The following REPS1 variants were observed in gnomAD, a reference collection of about 807,000 sequenced individuals.
REPS1 encodes the protein RALBP1 associated Eps domain containing 1.
REPS1 carries 39 observed loss-of-function variants against 100.9 expected under a neutral mutation model. That is an observed-to-expected ratio of 0.39 (90% CI 0.30 to 0.50). REPS1 has a LOEUF of 0.50. REPS1 is among the 20% of genes least tolerant of loss of function. The pLI, the probability that REPS1 is intolerant of heterozygous loss-of-function variation, is 0.86. For synonymous variants in REPS1, 324 were observed against 340.3 expected (o/e 0.95, Z 0.53); for missense variants, 821 against 968.5 (o/e 0.85, Z 2.02).
chr6:138,935,075 A>G (rs941919777), intron 8 of REPS1, among the ~76,000 whole-genome samples: 1 of 152,218 alleles, frequency 6.6e-6, no homozygotes, highest in Non-Finnish European at 1.5e-5. Context: ...TTCTATTTCC[A>G]AAATGAACTC....
At chr6:138,963,517 A>T (rs1042773585) in intron 1 of REPS1, among the ~76,000 whole-genome samples, 2 of 152,212 alleles carry the variant, frequency 1.3e-5, no homozygotes, top group Non-Finnish European at 2.9e-5. Context: ...CCTTCATTTG[A>T]ATCAACCCCT....
At chr6:138,925,236 G>A (rs1989523) in intron 10 of REPS1, among the ~76,000 whole-genome samples, 13,378 of 151,624 alleles carry the variant, frequency 0.088, 1,229 homozygotes, top group African/African-American at 0.23. Flanking sequence ...GCATGGTGGC[G>A]GACACCTGTA....
intron 1 of REPS1, among the ~76,000 whole-genome samples, chr6:138,982,332 G>GCT (rs201984457): frequency 0.017 from 2,558 of 152,260 alleles, 33 homozygotes; most frequent in South Asian, 0.031. Context: ...ACAAGATATT[G>GCT]CTCTACACAA....
chr6:138,961,028 ACTGT>A (rs1393428994), intron 1 of REPS1, among the ~76,000 whole-genome samples: 2 of 152,180 alleles, frequency 1.3e-5, no homozygotes, highest in Non-Finnish European at 2.9e-5. Flanking sequence ...TTTTCAAGAA[ACTGT>A]CTGCCCAATA....
chr6:138,907,591 C>T lies in REPS1; in HGVS notation c.2226G>A (p.Gly742=), dbSNP rs903680737. ...ASQPSIPRSV[G]KDKKAIQASI... ...ATGCCTGAATAGCTTTCTTATCTTT[C>T]CCAACAGATCTGAGAAGATAAAGAA... Residue 742 remains glycine (G), a synonymous_variant, in exon 19 of 20, where the codon GGG becomes GGA. Transcript: ENST00000450536. 3.1e-6 allele frequency: 5 copies of T among 1,609,350 alleles called. No individual in the cohort carries two copies. The African/African-American group carries it at 6.7e-5, about 21-fold the overall frequency.
chr6:138,916,431 G>A (rs1446740487), intron 13 of REPS1, among the ~76,000 whole-genome samples: 1 of 151,806 alleles, frequency 6.6e-6, no homozygotes, highest in South Asian at 2.1e-4. Context: ...ATGTTGGCCA[G>A]GCTGGTCTCG....
chr6:138,972,683 T>TA (rs11330627), intron 1 of REPS1, among the ~76,000 whole-genome samples: 11,540 of 132,998 alleles, frequency 0.087, 928 homozygotes, highest in African/African-American at 0.22. Context: ...ACAATACCAC[T>TA]AAAAAAAAAA....
At chr6:138,906,485 G>A (rs1779659671) in intron 19 of REPS1, among the ~76,000 whole-genome samples, 1 of 152,088 alleles carries the variant, frequency 6.6e-6, no homozygotes, top group African/African-American at 2.4e-5. Flanking sequence ...GTCTCGATTT[G>A]GATGGTATAT....
intron 1 of REPS1, among the ~76,000 whole-genome samples, chr6:138,952,600 A>G (rs2128484575): frequency 6.6e-6 from 1 of 151,938 alleles, no homozygotes; most frequent in East Asian, 2.0e-4. Flanking sequence ...GAGTTTCACC[A>G]TGTTGGCCAG....
At chr6:138,947,593 T>C (rs899928173) in intron 2 of REPS1, among the ~76,000 whole-genome samples, 197 bp downstream of exon 2, 3 of 152,186 alleles carry the variant, frequency 2.0e-5, no homozygotes, top group African/African-American at 7.2e-5. Context: ...ACATATACTA[T>C]GCCGTAATAC....
At chr6:138,943,756 T>C (rs1361284924) in intron 6 of REPS1, 97 bp downstream of exon 6, 4 of 1,156,904 alleles carry the variant, frequency 3.5e-6, no homozygotes, top group African/African-American at 3.1e-5. Context: ...AATTATTTTA[T>C]AATTAAAATC....
Position 138,988,221 on chromosome 6 carries a change from G to A in REPS1, c.-539C>T, listed in dbSNP as rs1582882929. The A allele has an allele frequency of 2.5e-6, 1 of 398,492 alleles. No individual in the cohort carries two copies. The highest frequency in any genetic ancestry group is 3.6e-5 in the East Asian group (1 of 28,054). 24.7% of individuals were successfully genotyped at this position (398,492 alleles called of 1,614,324 possible). On this transcript the variant is annotated 5_prime_UTR_variant, in exon 1 of 20. Transcript: ENST00000450536. ...CTCCGCCGCCATTTACAGTGCCCCG[G>A]CCCGGCCCCGACGCGCCCGCACCAA...
intron 10 of REPS1, among the ~76,000 whole-genome samples, chr6:138,925,727 G>T (rs1243132902): frequency 6.6e-6 from 1 of 151,396 alleles, no homozygotes; most frequent in Non-Finnish European, 1.5e-5. Context: ...GGAGAAGAAC[G>T]ATTAACAGCT....
rs570324544 is a variant in REPS1, at chr6:138,979,202, A to C, written c.153+8328T>G. Among the ~76,000 whole-genome samples, 47 of 150,624 alleles carry C rather than the reference A, an allele frequency of 3.1e-4. No homozygotes were observed. In the East Asian group the frequency reaches 8.8e-3, roughly 28 times the overall value. ...TCACAAAAAAAAAAAAAAAAACAAA[A>C]AAAAAAAACTGAAGAAGTATCCCCT... On this transcript the variant is annotated intron_variant, in intron 1 of 19. Coordinates refer to ENST00000450536, the MANE Select transcript of REPS1 (RefSeq NM_001286611.2).
At position 138,917,633 on chromosome 6, in the gene REPS1, A is replaced by G; in HGVS notation, c.1529-6T>C. The G allele has an allele frequency of 6.2e-7, 1 of 1,608,340 alleles. No individual in the cohort carries two copies. Among genetic ancestry groups the G allele is most frequent in the Non-Finnish European group, 8.5e-7 (1 of 1,175,264 alleles). ...TGAACTACTGTAACCATCTGCTGAT[A>G]AATGGGATATGTCCTATTTAATAAT... On this transcript the variant is annotated splice_polypyrimidine_tract_variant and splice_region_variant and intron_variant, in intron 12 of 19. Coordinates refer to ENST00000450536, the MANE Select transcript of REPS1 (RefSeq NM_001286611.2).
intron 1 of REPS1, among the ~76,000 whole-genome samples, chr6:138,983,046 T>C (rs1037343822): frequency 6.6e-6 from 1 of 152,196 alleles, no homozygotes; most frequent in Non-Finnish European, 1.5e-5. Flanking sequence ...TCAGACCAAC[T>C]GAATTTTATT....
At chr6:138,912,686 C>T in intron 16 of REPS1, 79 bp downstream of exon 16, 2 of 1,360,622 alleles carry the variant, frequency 1.5e-6, no homozygotes, top group South Asian at 1.2e-5. Flanking sequence ...GATGTCCCCT[C>T]TAATATCTGC....
rs918843954 is a variant in REPS1, at chr6:138,988,250, T to C, written c.-568A>G. 2 of 397,768 alleles carry C rather than the reference T, an allele frequency of 5.0e-6. No homozygotes were observed. Among genetic ancestry groups the C allele is most frequent in the Admixed American group, 4.4e-5 (1 of 22,676 alleles). The allele number at this position is 397,768 out of a possible 1,614,324, so 24.6% of individuals were successfully genotyped here. Reference sequence around the variant, plus strand: ...GGCCCCGACGCGCCCGCACCAACAGTGACAGCGGCGGCCGCGCTCCAGACC... The same window carrying C: ...GGCCCCGACGCGCCCGCACCAACAGCGACAGCGGCGGCCGCGCTCCAGACC... On this transcript the variant is annotated 5_prime_UTR_variant, in exon 1 of 20. Coordinates refer to ENST00000450536, the MANE Select transcript of REPS1 (RefSeq NM_001286611.2).
chr6:138,947,799 T>A lies in REPS1; in HGVS notation c.268A>T (p.Ile90Leu). ...QSGFPLRVES[I>L]NTVKDLPLPR... ...TGTACTCTATATTTACCTGTATTTA[T>A]ACTTTCCACTCTTAAAGGGAAACCA... Residue 90 changes from isoleucine (I) to leucine (L), a missense_variant, in exon 2 of 20, where the codon ATA (isoleucine) becomes TTA (leucine). Transcript: ENST00000450536. 6.2e-7 allele frequency: 1 copy of A among 1,605,180 alleles called. No individual in the cohort carries two copies. The highest frequency in any genetic ancestry group is 8.5e-7 in the Non-Finnish European group (1 of 1,176,884).
Sources: gnomAD v4.1 joint callset for allele counts (sites outside exome capture counted in the v4.1 genomes callset) on GRCh38, gnomAD v4.1.1 for gene constraint, MANE v1.5 for transcripts, NCBI Gene and HGNC (gene_info 2026-07-23, HGNC 2026-07-21) for gene names.